The following CLHC1 variants were observed in gnomAD, a reference collection of about 807,000 sequenced individuals.
CLHC1 encodes the protein clathrin heavy chain linker domain containing 1.
CLHC1 carries 72 observed loss-of-function variants against 69.5 expected under a neutral mutation model. The observed-to-expected ratio is 1.04, with a 90% confidence interval of 0.86 to 1.26. The LOEUF (loss-of-function observed/expected upper bound fraction) is 1.26. Ranked by LOEUF, CLHC1 falls within the 50% of genes most tolerant of loss-of-function variation. The pLI, the probability that CLHC1 is intolerant of heterozygous loss-of-function variation, is 0.00. For missense variants in CLHC1, 790 were observed against 679.3 expected (o/e 1.16, Z -1.81); for synonymous variants, 223 against 224.3 (o/e 0.99, Z 0.05).
chr2:55,179,121 C>T (rs1202118842), intron 11 of CLHC1, among the ~76,000 whole-genome samples: 1 of 151,924 alleles, frequency 6.6e-6, no homozygotes, highest in Admixed American at 6.6e-5. Flanking sequence ...ATCTATATCC[C>T]ATGTCTAAAC....
chr2:55,199,468 C>G (rs939147616), intron 9 of CLHC1, among the ~76,000 whole-genome samples: 11 of 152,016 alleles, frequency 7.2e-5, no homozygotes, highest in Non-Finnish European at 4.4e-5. Flanking sequence ...TTACTCATAT[C>G]TTAAGTAGAA....
At chr2:55,203,479 C>A (rs1030029404) in intron 9 of CLHC1, among the ~76,000 whole-genome samples, 1 of 152,106 alleles carries the variant, frequency 6.6e-6, no homozygotes, top group Non-Finnish European at 1.5e-5. Context: ...TCCAATGGAA[C>A]AGAATAGAGA....
Position 55,223,420 on chromosome 2 carries a change from C to T in CLHC1, c.-82-927G>A, listed in dbSNP as rs564632051. Among the ~76,000 whole-genome samples the T allele has an allele frequency of 2.1e-4, 32 of 152,232 alleles. No homozygotes were observed. The South Asian group carries it at 6.6e-3, about 32-fold the overall frequency. Reference sequence around the variant, plus strand: ...GCTTTCAGTAAAGAATCATGGGCGGCGGCGGCCTGGCGGGGGCGAGCGCGC... The same window carrying T: ...GCTTTCAGTAAAGAATCATGGGCGGTGGCGGCCTGGCGGGGGCGAGCGCGC... On this transcript the variant is annotated intron_variant, in intron 2 of 12. Transcript: ENST00000401408.
intron 10 of CLHC1, among the ~76,000 whole-genome samples, chr2:55,181,126 G>A (rs779511148): frequency 2.6e-5 from 4 of 151,984 alleles, no homozygotes; most frequent in Admixed American, 6.6e-5. Context: ...GACTACAGCC[G>A]TGCGCCACCA....
intron 4 of CLHC1, among the ~76,000 whole-genome samples, 157 bp from the exon 5 acceptor site, chr2:55,212,963 A>C (rs879808174): frequency 1.3e-5 from 2 of 152,158 alleles, no homozygotes; most frequent in Non-Finnish European, 2.9e-5. Context: ...AATGAGGAAG[A>C]ATTTTCTTTC....
intron 10 of CLHC1, among the ~76,000 whole-genome samples, chr2:55,181,125 C>G (rs541594522): frequency 6.6e-6 from 1 of 152,064 alleles, no homozygotes; most frequent in Non-Finnish European, 1.5e-5. Context: ...GGACTACAGC[C>G]GTGCGCCACC....
chr2:55,224,183 GC>G (rs1221573094), intron 2 of CLHC1: 1 of 218,576 alleles, frequency 4.6e-6, no homozygotes, highest in Admixed American at 5.1e-5. Flanking sequence ...AACTTGATAC[GC>G]CCTTACACAC....
At chr2:55,219,008 T>C (rs1393950992) in intron 3 of CLHC1, among the ~76,000 whole-genome samples, 2 of 152,208 alleles carry the variant, frequency 1.3e-5, no homozygotes, top group Non-Finnish European at 2.9e-5. Context: ...AAGGAGATTA[T>C]TGATCTCCTG....
intron 9 of CLHC1, among the ~76,000 whole-genome samples, chr2:55,191,059 A>C (rs1225814641): frequency 6.6e-6 from 1 of 152,232 alleles, no homozygotes; most frequent in Non-Finnish European, 1.5e-5. Context: ...AAACCAGAAG[A>C]CAGTGAAACA....
chr2:55,184,919 AACACACACACAC>A (rs561837633), intron 9 of CLHC1, among the ~76,000 whole-genome samples: 102 of 126,092 alleles, frequency 8.1e-4, no homozygotes, highest in South Asian at 6.4e-3. Context: ...AAAAAAACAA[AACACACACACAC>A]ACACACACAC....
At chr2:55,197,504 T>C (rs1671538858) in intron 9 of CLHC1, among the ~76,000 whole-genome samples, 1 of 152,204 alleles carries the variant, frequency 6.6e-6, no homozygotes, top group Admixed American at 6.5e-5. Context: ...AGCACAGATT[T>C]GATGCAGTCT....
rs1389723744 is a variant in CLHC1, at chr2:55,208,638, T to C, written c.887A>G (p.His296Arg). ...RRAKEAEIML[H>R]YIERFNELIS... is the part of the protein sequence containing the mutation. ...TTAAAATATTTGCCTTTCAATGTAG[T>C]GAAGCATAATTTCAGCTTCTTTTGC... Residue 296 changes from histidine (H) to arginine (R), a missense_variant, in exon 8 of 13, where the codon CAC becomes CGC. Coordinates refer to ENST00000401408, the MANE Select transcript of CLHC1 (RefSeq NM_152385.4). 2.5e-6 allele frequency: 4 copies of C among 1,603,650 alleles called. No homozygotes were observed. The African/African-American group carries it at 4.0e-5, about 16-fold the overall frequency.
rs1450347050 is a variant in CLHC1, at chr2:55,175,452, C to T, written c.*338G>A. On this transcript the variant is annotated 3_prime_UTR_variant, in exon 13 of 13. Coordinates refer to ENST00000401408, the MANE Select transcript of CLHC1 (RefSeq NM_152385.4). Reference sequence around the variant, plus strand: ...CTAACACACAGGATACTACCCACACCTTCCTCAGTTCTTGCTATCATATTA... The same window carrying T: ...CTAACACACAGGATACTACCCACACTTTCCTCAGTTCTTGCTATCATATTA... 1 of 212,502 alleles carries T rather than the reference C, an allele frequency of 4.7e-6. No individual in the cohort carries two copies. The highest frequency in any genetic ancestry group is 2.3e-5 in the African/African-American group (1 of 43,786). The allele number at this position is 212,502 out of a possible 1,614,324, so 13.2% of individuals were successfully genotyped here. A position where few individuals can be genotyped will look rare whatever the true frequency, so the allele number is the denominator to read the frequency against.
chr2:55,184,923 C>CACAT (rs754990822), intron 9 of CLHC1, among the ~76,000 whole-genome samples: 2 of 126,826 alleles, frequency 1.6e-5, no homozygotes, highest in South Asian at 2.6e-4. Context: ...AAACAAAACA[C>CACAT]ACACACACAC....
At chr2:55,194,166 T>C (rs1333772798) in intron 9 of CLHC1, among the ~76,000 whole-genome samples, 2 of 152,176 alleles carry the variant, frequency 1.3e-5, no homozygotes, top group African/African-American at 2.4e-5. Flanking sequence ...TTTATTTTTG[T>C]AATGATGAAA....
chr2:55,208,546 A>G (rs1192595013), intron 8 of CLHC1, 80 bp downstream of exon 8: 1 of 860,002 alleles, frequency 1.2e-6, no homozygotes, highest in East Asian at 2.5e-5. Flanking sequence ...AATCTCCTAG[A>G]TTCCCAATCT....
At chr2:55,178,258 A>C (rs1383664038) in intron 11 of CLHC1, among the ~76,000 whole-genome samples, 1 of 152,222 alleles carries the variant, frequency 6.6e-6, no homozygotes, top group Non-Finnish European at 1.5e-5. Flanking sequence ...TGCCTTGCAC[A>C]GAAAAAGCAA....
intron 2 of CLHC1, among the ~76,000 whole-genome samples, chr2:55,227,751 G>A (rs2104140310): frequency 6.6e-6 from 1 of 152,026 alleles, no homozygotes; most frequent in Non-Finnish European, 1.5e-5. Flanking sequence ...AGGGGGTAGT[G>A]ACATTTGGAC....
At chr2:55,200,241 A>AAAT (rs1553349850) in intron 9 of CLHC1, among the ~76,000 whole-genome samples, 1 of 140,362 alleles carries the variant, frequency 7.1e-6, no homozygotes, top group East Asian at 2.0e-4. Context: ...AAAAAAAAAA[A>AAAT]AAAACAGTGG....
Sources: allele counts gnomAD v4.1 joint callset (sites outside exome capture counted in the v4.1 genomes callset), GRCh38; gene constraint gnomAD v4.1.1; transcripts MANE v1.5; gene names NCBI Gene and HGNC (gene_info 2026-07-23, HGNC 2026-07-21).